The following PCLO variants were observed in gnomAD, a reference collection of about 807,000 sequenced individuals.
The protein encoded by PCLO is piccolo presynaptic cytomatrix protein, also known as protein piccolo.
A neutral mutation model predicts 427.5 loss-of-function variants in PCLO; 82 were observed. The ratio of observed to expected loss-of-function variants is 0.19; its 90% CI spans 0.16 to 0.23. The LOEUF is 0.23. Ranked by LOEUF, PCLO falls within the 10% of genes least tolerant of loss-of-function variation. The pLI, the probability that PCLO is intolerant of heterozygous loss-of-function variation, is 1.00. For missense variants in PCLO, 6,239 were observed against 6,115.9 expected, an observed-to-expected ratio of 1.02 and a Z score of -0.67; for synonymous variants, 2,357 against 2,155.4, an observed-to-expected ratio of 1.09 and a Z score of -2.59.
intron 20 of PCLO, chr7:82,821,465 G>A (rs1350729925): frequency 4.1e-6 from 4 of 985,308 alleles, no homozygotes; most frequent in South Asian, 4.7e-5. Context: ...AAAACTGGCT[G>A]TTTCTTTGAA....
chr7:82,955,813 C>T lies in PCLO; in HGVS notation c.5140G>A (p.Gly1714Arg). The T allele has an allele frequency of 6.2e-7, 1 of 1,613,942 alleles. No homozygotes were observed. Among genetic ancestry groups the T allele is most frequent in the Non-Finnish European group, 8.5e-7 (1 of 1,179,882 alleles). The change falls in exon 5 of 25, where the codon GGA becomes AGA. Residue 1714 changes from glycine (G) to arginine (R), a missense_variant. This residue lies in a region of PCLO where 4,677 missense variants were observed against 4,468.4 expected (regional missense o/e 1.05). Coordinates refer to ENST00000333891, the MANE Select transcript of PCLO (RefSeq NM_033026.6). ...GCATGCAGACTCGAAGATCCCTCTC[C>T]CCTTGACCTATCTTCAGGTGAGTCT... ...LTDSPEDRSRGEGSSSLHASS... is the reference protein window; with the variant it reads ...LTDSPEDRSRREGSSSLHASS...
At chr7:82,821,655 A>G (rs1252709491) in intron 20 of PCLO, 3 of 971,128 alleles carry the variant, frequency 3.1e-6, no homozygotes, top group East Asian at 1.1e-4. Flanking sequence ...AAGATAGGTC[A>G]ATTGTTATAC....
chr7:82,960,439 C>A (rs1795630930), intron 4 of PCLO, among the ~76,000 whole-genome samples: 1 of 152,120 alleles, frequency 6.6e-6, no homozygotes, highest in Non-Finnish European at 1.5e-5. Flanking sequence ...TGAATACTAA[C>A]CCTCATATCA....
rs557645229 is a variant in PCLO, at chr7:83,162,281, T to A, written c.248+64A>T. 2.8e-5 allele frequency: 42 copies of A among 1,495,748 alleles called. No individual in the cohort carries two copies. In the South Asian group the frequency reaches 5.3e-4, roughly 19 times the overall value. 92.7% of individuals were successfully genotyped at this position (1,495,748 alleles called of 1,614,324 possible). ...TACCGCCGTGCTGGCACATACAGGC[T>A]GGCACATATGTGCACGGGAAGCTGT... On this transcript the variant is annotated intron_variant, in intron 1 of 24. Coordinates refer to ENST00000333891, the MANE Select transcript of PCLO (RefSeq NM_033026.6).
intron 20 of PCLO, among the ~76,000 whole-genome samples, chr7:82,816,939 A>G (rs1791690383): frequency 6.6e-6 from 1 of 152,170 alleles, no homozygotes; most frequent in Non-Finnish European, 1.5e-5. Context: ...AGAGTTCTAC[A>G]TTTACTGTCT....
intron 3 of PCLO, among the ~76,000 whole-genome samples, chr7:83,014,818 T>G (rs547278057): frequency 2.6e-5 from 4 of 152,130 alleles, no homozygotes; most frequent in African/African-American, 9.7e-5. Flanking sequence ...AGAGAAAATT[T>G]TGGATTGCCA....
At chr7:82,949,013 T>C (rs1795267600) in intron 6 of PCLO, among the ~76,000 whole-genome samples, 1 of 152,210 alleles carries the variant, frequency 6.6e-6, no homozygotes, top group Non-Finnish European at 1.5e-5. Context: ...TCTAAGGGCT[T>C]TCCCACTAAA....
chr7:82,996,960 C>G (rs2115880817), intron 3 of PCLO, among the ~76,000 whole-genome samples: 1 of 152,052 alleles, frequency 6.6e-6, no homozygotes, highest in Non-Finnish European at 1.5e-5. Flanking sequence ...TTTAAACTTT[C>G]AACGGTACTG....
intron 3 of PCLO, among the ~76,000 whole-genome samples, chr7:83,051,278 A>C (rs1436172309): frequency 6.9e-6 from 1 of 145,338 alleles, no homozygotes; most frequent in Non-Finnish European, 1.5e-5. Context: ...GATTGTTCAC[A>C]GATGACATGA....
intron 3 of PCLO, among the ~76,000 whole-genome samples, chr7:83,105,524 AATACTAAGCATCTTTC>A (rs764031011): frequency 0.02 from 3,036 of 152,284 alleles, 54 homozygotes; most frequent in Admixed American, 0.061. Flanking sequence ...AAAACAATAA[AATACTAAGCATCTTTC>A]ATGGCTGTGG....
At chr7:83,125,560 G>A (rs934870855) in intron 3 of PCLO, among the ~76,000 whole-genome samples, 17 of 152,166 alleles carry the variant, frequency 1.1e-4, no homozygotes, top group African/African-American at 4.1e-4. Context: ...TTCTGCCTTG[G>A]GATGCTGTTA....
At chr7:82,997,881 G>C (rs536913307) in intron 3 of PCLO, among the ~76,000 whole-genome samples, 2 of 152,138 alleles carry the variant, frequency 1.3e-5, no homozygotes, top group Non-Finnish European at 2.9e-5. Context: ...AAAGCACAAT[G>C]TCATTTAAAG....
At position 83,125,286 on chromosome 7, in the gene PCLO, G is replaced by A. The variant is rs989332832; in HGVS notation, c.3300+8964C>T. Among the ~76,000 whole-genome samples the A allele has an allele frequency of 1.1e-4, 16 of 152,128 alleles. 1 individual carries two copies. The Middle Eastern group carries it at 0.01, about 98-fold the overall frequency. Reference sequence around the variant, plus strand: ...TGAGAAGTGGGGAGCCCCTCCGCCCGGCCGCCGCCCCCTCTGGAAGGTGGG... The same window carrying A: ...TGAGAAGTGGGGAGCCCCTCCGCCCAGCCGCCGCCCCCTCTGGAAGGTGGG... On this transcript the variant is annotated intron_variant, in intron 3 of 24. Coordinates refer to ENST00000333891, the MANE Select transcript of PCLO (RefSeq NM_033026.6).
intron 2 of PCLO, among the ~76,000 whole-genome samples, chr7:83,152,629 T>A (rs1005109795): frequency 6.6e-6 from 1 of 152,248 alleles, no homozygotes; most frequent in Non-Finnish European, 1.5e-5. Flanking sequence ...TAGCTCCAAG[T>A]TTGGGCCCAA....
intron 20 of PCLO, among the ~76,000 whole-genome samples, chr7:82,819,640 T>C (rs965731669): frequency 2.0e-5 from 3 of 152,168 alleles, no homozygotes; most frequent in African/African-American, 7.2e-5. Context: ...GTAACACATA[T>C]TCAGAATTAT....
chr7:83,157,516 A>G (rs980928983), intron 1 of PCLO, among the ~76,000 whole-genome samples: 1 of 151,944 alleles, frequency 6.6e-6, no homozygotes, highest in Non-Finnish European at 1.5e-5. Context: ...CAAATATACA[A>G]GACATATTTT....
In PCLO at chr7:82,950,754, C is replaced by T. The variant is rs1322744808; in HGVS notation, c.9834G>A (p.Gln3278=). 1.9e-6 allele frequency: 3 copies of T among 1,613,764 alleles called. No individual in the cohort carries two copies. The East Asian group carries it at 6.7e-5, about 36-fold the overall frequency. ...LFQQEEERQA[Q]FMMRQETLAQ... is the part of the protein sequence containing the mutation. ...CTAACGTCTCCTGCCTCATCATGAA[C>T]TGGGCTTGCCGCTCTTCTTCTTGCT... The change falls in exon 6 of 25, where the codon CAG becomes CAA. Residue 3278 remains glutamine, a synonymous_variant. Transcript: ENST00000333891.
intron 9 of PCLO, among the ~76,000 whole-genome samples, chr7:82,891,520 C>T (rs1173091683): frequency 6.6e-6 from 1 of 151,920 alleles, no homozygotes; most frequent in Non-Finnish European, 1.5e-5. Context: ...AATTGAATAC[C>T]CTTTATTTCC....
intron 3 of PCLO, among the ~76,000 whole-genome samples, chr7:83,070,834 T>C (rs1216467843): frequency 6.6e-6 from 1 of 152,146 alleles, no homozygotes; most frequent in Non-Finnish European, 1.5e-5. Flanking sequence ...GACTCAGCCA[T>C]TTCAACATGG....
Sources: allele counts gnomAD v4.1 joint callset (sites outside exome capture counted in the v4.1 genomes callset), GRCh38; gene constraint gnomAD v4.1.1; regional missense constraint gnomAD v4.1.1; transcripts MANE v1.5; gene names NCBI Gene and HGNC (gene_info 2026-07-23, HGNC 2026-07-21).